Variants in RCOR1 observed in about 807,000 individuals in gnomAD.
RCOR1 encodes REST corepressor.
RCOR1 carries 12 observed loss-of-function variants against 64.0 expected under a neutral mutation model. The ratio of observed to expected loss-of-function variants is 0.19; its 90% CI spans 0.12 to 0.30. RCOR1 has a LOEUF of 0.30. Ranked by LOEUF, RCOR1 falls within the 10% of genes least tolerant of loss-of-function variation. The pLI, the probability that RCOR1 is intolerant of heterozygous loss-of-function variation, is 1.00. For missense variants in RCOR1, 502 were observed against 621.2 expected, an observed-to-expected ratio of 0.81 and a Z score of 2.04; for synonymous variants, 279 against 227.2, an observed-to-expected ratio of 1.23 and a Z score of -2.05.
chr14:102,595,729 A>G (rs1388142026), intron 2 of RCOR1, among the ~76,000 whole-genome samples: 6 of 151,600 alleles, frequency 4.0e-5, no homozygotes, highest in Non-Finnish European at 7.4e-5. Context: ...ACAGGCGCCC[A>G]CCAACACTCC....
intron 2 of RCOR1, chr14:102,650,880 A>G: frequency 2.1e-6 from 1 of 476,516 alleles, no homozygotes; most frequent in Non-Finnish European, 2.7e-6. Context: ...GATTTAGAGC[A>G]CTTACTCTTA....
At chr14:102,674,199 G>A (rs1895091291) in intron 2 of RCOR1, among the ~76,000 whole-genome samples, 1 of 152,146 alleles carries the variant, frequency 6.6e-6, no homozygotes, top group African/African-American at 2.4e-5. Flanking sequence ...ATGACCTTTA[G>A]GTGAACTGGA....
intron 2 of RCOR1, among the ~76,000 whole-genome samples, chr14:102,647,402 C>T (rs1894498614): frequency 6.6e-6 from 1 of 151,452 alleles, no homozygotes; most frequent in Non-Finnish European, 1.5e-5. Flanking sequence ...CTGCACCCTC[C>T]GCCTCCTGGG....
chr14:102,598,806 G>A (rs188475625), intron 2 of RCOR1, among the ~76,000 whole-genome samples: 3 of 152,042 alleles, frequency 2.0e-5, no homozygotes, highest in East Asian at 3.9e-4. Context: ...GTGTGGCATT[G>A]CTTGGTAGTT....
At chr14:102,642,453 C>G (rs944888281) in intron 2 of RCOR1, among the ~76,000 whole-genome samples, 3 of 152,130 alleles carry the variant, frequency 2.0e-5, no homozygotes, top group Non-Finnish European at 2.9e-5. Context: ...ATATTTGTCT[C>G]ATAGGGTTGA....
At chr14:102,664,200 G>T (rs1011581166) in intron 2 of RCOR1, among the ~76,000 whole-genome samples, 2 of 152,108 alleles carry the variant, frequency 1.3e-5, no homozygotes, top group Non-Finnish European at 2.9e-5. Context: ...CCGCCTCCTG[G>T]GTTCAAGTGA....
intron 2 of RCOR1, among the ~76,000 whole-genome samples, chr14:102,620,263 C>T (rs1893847830): frequency 6.6e-6 from 1 of 151,342 alleles, no homozygotes; most frequent in Non-Finnish European, 1.5e-5. Flanking sequence ...CCCCCCACAC[C>T]CACCATGAAA....
intron 3 of RCOR1, among the ~76,000 whole-genome samples, chr14:102,686,514 G>T (rs1056692268): frequency 1.3e-5 from 2 of 152,164 alleles, no homozygotes; most frequent in African/African-American, 4.8e-5. Flanking sequence ...TGTGGATTCC[G>T]ACAAATGTAT....
At chr14:102,716,637 C>T (rs1038788464) in intron 8 of RCOR1, among the ~76,000 whole-genome samples, 1 of 146,464 alleles carries the variant, frequency 6.8e-6, no homozygotes. Flanking sequence ...GCAGCAGGAC[C>T]TTTGTTTTAC....
chr14:102,686,421 A>G (rs976655188), intron 3 of RCOR1, among the ~76,000 whole-genome samples: 6 of 152,306 alleles, frequency 3.9e-5, no homozygotes, highest in African/African-American at 1.4e-4. Context: ...TACGTTTGTT[A>G]CAATCAAGCA....
At chr14:102,599,672 T>G (rs887036404) in intron 2 of RCOR1, among the ~76,000 whole-genome samples, 2 of 152,234 alleles carry the variant, frequency 1.3e-5, no homozygotes, top group African/African-American at 2.4e-5. Flanking sequence ...TCATGTGGAA[T>G]AGGTAATTTT....
At chr14:102,672,457 C>T (rs1353672759) in intron 2 of RCOR1, among the ~76,000 whole-genome samples, 3 of 152,100 alleles carry the variant, frequency 2.0e-5, no homozygotes, top group Admixed American at 6.6e-5. Context: ...CATGATCCGC[C>T]CGCCTCGGCT....
intron 10 of RCOR1, among the ~76,000 whole-genome samples, chr14:102,721,929 C>G (rs529712458): frequency 3.3e-5 from 5 of 152,148 alleles, no homozygotes; most frequent in Admixed American, 2.0e-4. Context: ...GTCCCCAACC[C>G]TAGGGCAATT....
intron 3 of RCOR1, among the ~76,000 whole-genome samples, chr14:102,694,125 T>C (rs1895596004): frequency 6.6e-6 from 1 of 152,254 alleles, no homozygotes; most frequent in Non-Finnish European, 1.5e-5. Context: ...TTTTCATCAC[T>C]GCCCTACCAG....
chr14:102,719,954 TG>T (rs1372728674), intron 8 of RCOR1, among the ~76,000 whole-genome samples: 1 of 152,232 alleles, frequency 6.6e-6, no homozygotes, highest in East Asian at 1.9e-4. Context: ...GCAATTTTCC[TG>T]GGTTTTCGGT....
intron 2 of RCOR1, among the ~76,000 whole-genome samples, chr14:102,680,068 T>A (rs953789432): frequency 5.9e-5 from 9 of 152,238 alleles, no homozygotes; most frequent in Non-Finnish European, 1.0e-4. Flanking sequence ...TTAGATCATC[T>A]TTAGTTTCTC....
At chr14:102,633,708 T>C (rs1894174221) in intron 2 of RCOR1, among the ~76,000 whole-genome samples, 2 of 152,062 alleles carry the variant, frequency 1.3e-5, no homozygotes, top group Non-Finnish European at 2.9e-5. Context: ...CCCGGCTAAC[T>C]TTGTATTTTT....
chr14:102,630,002 G>A, intron 2 of RCOR1: 1 of 977,306 alleles, frequency 1.0e-6, no homozygotes, highest in Non-Finnish European at 1.2e-6. Context: ...GTGTAAGGCA[G>A]AAGTGGGGAG....
At chr14:102,704,997 G>A (rs1228631609) in intron 4 of RCOR1, among the ~76,000 whole-genome samples, 1 of 152,048 alleles carries the variant, frequency 6.6e-6, no homozygotes, top group Non-Finnish European at 1.5e-5. Context: ...ATGGTAGTGT[G>A]TGCCTGTAGT....
Sources: gnomAD v4.1 joint callset for allele counts (sites outside exome capture counted in the v4.1 genomes callset) on GRCh38, gnomAD v4.1.1 for gene constraint, MANE v1.5 for transcripts, NCBI Gene and HGNC (gene_info 2026-07-23, HGNC 2026-07-21) for gene names.